Variants in LIPM observed in about 807,000 individuals in gnomAD.
LIPM encodes the protein lipase family member M.
Under a neutral mutation model 42.4 loss-of-function variants are expected in LIPM, and 42 were observed. The ratio of observed to expected loss-of-function variants is 0.99; its 90% confidence interval spans 0.77 to 1.28. The LOEUF (loss-of-function observed/expected upper bound fraction) is 1.28. LIPM is among the 50% of genes most tolerant of loss of function. LIPM has a pLI of 0.00. For synonymous variants in LIPM, 177 were observed against 173.3 expected, an observed-to-expected ratio of 1.02 and a Z score of -0.17; for missense variants, 524 against 520.1, an observed-to-expected ratio of 1.01 and a Z score of -0.07.
intron 2 of LIPM, 42 bp downstream of exon 2, chr10:88,808,457 T>C: frequency 9.0e-7 from 1 of 1,109,794 alleles, no homozygotes; most frequent in Non-Finnish European, 1.3e-6. Flanking sequence ...CAGTCTTCTC[T>C]GCAGTCACGA....
chr10:88,805,153 C>T (rs1843571255), intron 1 of LIPM, among the ~76,000 whole-genome samples: 1 of 152,108 alleles, frequency 6.6e-6, no homozygotes, highest in Admixed American at 6.5e-5. Context: ...TAAGGTTAGA[C>T]AGATCTAAGA....
At position 88,820,327 on chromosome 10, in the gene LIPM, A is replaced by C. The variant is rs1843772790; in HGVS notation, c.1098A>C (p.Lys366Asn). Residue 366 changes from lysine (K) to asparagine (N), a missense_variant, in exon 9 of 9, where the codon AAA becomes AAC. Transcript: ENST00000404743. ...QDWLSNPEDV[K>N]MLLSEVTNLI... is the part of the protein sequence containing the mutation. ...GGCTTTCAAATCCAGAAGACGTGAA[A>C]ATGCTGCTCTCTGAGGTGACCAACC... 1.3e-6 allele frequency: 2 copies of C among 1,552,158 alleles called. No individual in the cohort carries two copies. Among genetic ancestry groups the C allele is most frequent in the Admixed American group, 2.0e-5 (1 of 50,984 alleles).
At position 88,816,820 on chromosome 10, in the gene LIPM, G is replaced by A. The variant is rs564466104; in HGVS notation, c.863G>A (p.Arg288Gln). The change falls in exon 7 of 9, where the codon CGA becomes CAA. Residue 288 changes from arginine to glutamine, a missense_variant. Physicochemically the swap from Arg to Gln is conservative, Grantham distance 43. Coordinates refer to ENST00000404743, the MANE Select transcript of LIPM (RefSeq NM_001128215.1). Reference protein sequence around the residue: ...GFNTNNMNMSRASVYAAHTLA... With the variant: ...GFNTNNMNMSQASVYAAHTLA... ...AATACTCATGGTTTGTTACAGAGCC[G>A]AGCAAGTGTATATGCTGCCCACACT... 3.9e-6 allele frequency: 6 copies of A among 1,550,422 alleles called. No individual in the cohort carries two copies. The highest frequency in any genetic ancestry group is 3.9e-5 in the Admixed American group (2 of 50,992).
Position 88,817,818 on chromosome 10 carries a change from C to A in LIPM, c.931-7C>A. 1.3e-6 allele frequency: 2 copies of A among 1,550,442 alleles called. No homozygotes were observed. The highest frequency in any genetic ancestry group is 1.7e-6 in the Non-Finnish European group (2 of 1,146,008). Reference sequence around the variant, plus strand: ...GGAATTCCTTGTAAATTTTTGTCTCCTTTTAGGCAGTGAATTCTGGTGAAC... The same window carrying A: ...GGAATTCCTTGTAAATTTTTGTCTCATTTTAGGCAGTGAATTCTGGTGAAC... On this transcript the variant is annotated splice_region_variant and splice_polypyrimidine_tract_variant and intron_variant, in intron 7 of 8. Transcript: ENST00000404743.
intron 8 of LIPM, 106 bp downstream of exon 8, chr10:88,818,002 T>G (rs1843738655): frequency 3.3e-6 from 3 of 918,972 alleles, no homozygotes; most frequent in Admixed American, 4.7e-5. Context: ...ATATGAAAAT[T>G]TAAGCAGAAA....
At position 88,820,364 on chromosome 10, in the gene LIPM, A is replaced by G; in HGVS notation, c.1135A>G (p.Lys379Glu). The G allele has an allele frequency of 6.4e-7, 1 of 1,552,302 alleles. No individual in the cohort carries two copies. Among genetic ancestry groups the G allele is most frequent in the Non-Finnish European group, 8.7e-7 (1 of 1,147,126 alleles). The change falls in exon 9 of 9, where the codon AAG becomes GAG. Residue 379 changes from lysine to glutamate, a missense_variant. By Grantham distance (56) the Lys-to-Glu change is moderately conservative (BLOSUM62 1). Coordinates refer to ENST00000404743, the MANE Select transcript of LIPM (RefSeq NM_001128215.1). ...LSEVTNLIYH[K>E]NIPEWAHVDF... is the part of the protein sequence containing the mutation. Reference sequence around the variant, plus strand: ...TGAGGTGACCAACCTCATCTACCATAAGAATATTCCTGAATGGGCTCACGT... The same window carrying G: ...TGAGGTGACCAACCTCATCTACCATGAGAATATTCCTGAATGGGCTCACGT...
intron 1 of LIPM, among the ~76,000 whole-genome samples, chr10:88,803,597 A>G (rs1318005165): frequency 6.8e-6 from 1 of 147,484 alleles, no homozygotes; most frequent in Non-Finnish European, 1.5e-5. Context: ...ATGACAGTAC[A>G]TCTCTTTAGT....
At chr10:88,807,105 C>T (rs1843598489) in intron 1 of LIPM, among the ~76,000 whole-genome samples, 1 of 152,140 alleles carries the variant, frequency 6.6e-6, no homozygotes, top group Admixed American at 6.5e-5. Flanking sequence ...GTAGTTAATG[C>T]TTATTGAGTT....
chr10:88,812,844 C>A (rs182064879), intron 2 of LIPM, among the ~76,000 whole-genome samples: 1 of 152,172 alleles, frequency 6.6e-6, no homozygotes, highest in East Asian at 1.9e-4. Flanking sequence ...TTTATAGATT[C>A]TTTTTCTGCC....
rs11202862 is a variant in LIPM at position 88,820,481 on chromosome 10, C to T, written c.1252C>T (p.Arg418Trp). The change falls in exon 9 of 9, where the codon CGG becomes TGG. Residue 418 changes from arginine (R) to tryptophan (W), a missense_variant. Arg to Trp is a moderately radical substitution (Grantham distance 101). Coordinates refer to ENST00000404743, the MANE Select transcript of LIPM (RefSeq NM_001128215.1). ...QQEETNLSQG[R>W]CEAVL ...GGAGGAGACCAACCTTTCCCAGGGA[C>T]GGTGTGAGGCCGTATTGTGAAGCAT... The T allele has an allele frequency of 5.9e-3, 9,113 of 1,551,048 alleles. 467 individuals carry two copies. The African/African-American group carries it at 0.1, about 18-fold the overall frequency.
chr10:88,818,556 GC>G (rs1843745839), intron 8 of LIPM, among the ~76,000 whole-genome samples: 1 of 152,172 alleles, frequency 6.6e-6, no homozygotes, highest in Non-Finnish European at 1.5e-5. Flanking sequence ...ATTCAGAATT[GC>G]ACAGGTATGC....
chr10:88,817,724 C>T, intron 7 of LIPM, 101 bp from the exon 8 acceptor site: 1 of 745,800 alleles, frequency 1.3e-6, no homozygotes, highest in Non-Finnish European at 2.3e-6. Context: ...ATTGCTCTCT[C>T]CTTCCCTCAT....
intron 8 of LIPM, 100 bp from the exon 9 acceptor site, chr10:88,820,132 C>T: frequency 9.9e-7 from 1 of 1,006,678 alleles, no homozygotes; most frequent in Middle Eastern, 2.7e-4. Flanking sequence ...GTACCCTTCA[C>T]CACAACAGAT....
intron 3 of LIPM, 117 bp from the exon 4 acceptor site, chr10:88,814,413 G>A: frequency 1.5e-6 from 1 of 666,100 alleles, no homozygotes; most frequent in Non-Finnish European, 2.6e-6. Flanking sequence ...GAGGGACACG[G>A]TAACAAGCTG....
chr10:88,808,352 G>A lies in LIPM; in HGVS notation c.202G>A (p.Glu68Lys), dbSNP rs1843613262. The A allele has an allele frequency of 6.4e-7, 1 of 1,551,600 alleles. No homozygotes were observed. The highest frequency in any genetic ancestry group is 8.7e-7 in the Non-Finnish European group (1 of 1,146,862). ...CTGTGAGGAATATGAAGTCGCAACT[G>A]AAGATGGGTATATCCTTTCTGTTAA... ...YPCEEYEVATEDGYILSVNRI... is the reference protein window; with the variant it reads ...YPCEEYEVATKDGYILSVNRI... Residue 68 changes from glutamate (E) to lysine (K), a missense_variant, in exon 2 of 9, where the codon GAA (glutamate) becomes AAA (lysine). Physicochemically the swap from Glu to Lys is moderately conservative, Grantham distance 56 (BLOSUM62 1). Transcript: ENST00000404743.
intron 1 of LIPM, 60 bp downstream of exon 1, chr10:88,803,103 T>C: frequency 6.8e-7 from 1 of 1,474,962 alleles, no homozygotes; most frequent in Non-Finnish European, 9.2e-7. Flanking sequence ...ATCTGTGTAT[T>C]ATTTACATTA....
At chr10:88,820,052 A>G (rs1208830040) in intron 8 of LIPM, among the ~76,000 whole-genome samples, 180 bp from the exon 9 acceptor site, 1 of 152,238 alleles carries the variant, frequency 6.6e-6, no homozygotes, top group Non-Finnish European at 1.5e-5. Flanking sequence ...CAATAATGTT[A>G]AGTAATTTTA....
chr10:88,803,478 A>G (rs1396745724), intron 1 of LIPM, among the ~76,000 whole-genome samples: 2 of 152,118 alleles, frequency 1.3e-5, no homozygotes, highest in African/African-American at 2.4e-5. Flanking sequence ...ATCTTATACC[A>G]TTCTAATCTA....
chr10:88,806,859 T>A (rs1055420578), intron 1 of LIPM, among the ~76,000 whole-genome samples: 4 of 152,020 alleles, frequency 2.6e-5, no homozygotes, highest in Non-Finnish European at 4.4e-5. Flanking sequence ...TAATTTTTTT[T>A]ATTATTATTT....
Sources: allele counts gnomAD v4.1 joint callset (sites outside exome capture counted in the v4.1 genomes callset), GRCh38; gene constraint gnomAD v4.1.1; transcripts MANE v1.5; gene names NCBI Gene and HGNC (gene_info 2026-07-23, HGNC 2026-07-21).